The following KIF26B variants were observed in gnomAD, a reference collection of about 807,000 sequenced individuals.
KIF26B encodes kinesin family member 26B.
A neutral mutation model predicts 151.2 loss-of-function variants in KIF26B; 63 were observed. The ratio of observed to expected loss-of-function variants is 0.42; its 90% CI spans 0.34 to 0.51. The LOEUF (loss-of-function observed/expected upper bound fraction) is 0.51. Among genes scored for constraint, KIF26B ranks in the 20% least tolerant of loss-of-function variants. The probability of loss-of-function intolerance (pLI) is 0.07; values close to 1 mark genes in which losing one functional copy is unlikely to be tolerated. For missense variants in KIF26B, 2,813 were observed against 2,913.6 expected, an observed-to-expected ratio of 0.97 and a Z score of 0.79; for synonymous variants, 1,357 against 1,262.1, an observed-to-expected ratio of 1.08 and a Z score of -1.59.
chr1:245,640,566 C>T (rs921525477), intron 9 of KIF26B, among the ~76,000 whole-genome samples: 27 of 151,956 alleles, frequency 1.8e-4, no homozygotes, highest in African/African-American at 6.3e-4. Context: ...TACTTATTTT[C>T]TAGTTGTTAT....
intron 2 of KIF26B, among the ~76,000 whole-genome samples, chr1:245,345,761 C>T (rs1672441240): frequency 6.6e-6 from 1 of 151,994 alleles, no homozygotes; most frequent in Admixed American, 6.6e-5. Context: ...CCTGCTTTCA[C>T]GGTGTAAACT....
intron 5 of KIF26B, among the ~76,000 whole-genome samples, chr1:245,598,720 G>A (rs2043359833): frequency 1.3e-5 from 2 of 152,146 alleles, no homozygotes; most frequent in South Asian, 4.2e-4. Context: ...ATGCCGTCCA[G>A]AACAAGGTGC....
At position 245,702,359 on chromosome 1, in the gene KIF26B, A is replaced by AG; in HGVS notation, c.6179-95dup. 7.4e-7 allele frequency: 1 copy of AG among 1,345,420 alleles called. No homozygotes were observed. 83.3% of individuals were successfully genotyped at this position (1,345,420 alleles called of 1,614,324 possible). On this transcript the variant is annotated intron_variant, in intron 14 of 14. Transcript: ENST00000407071. The surrounding 1 kb of genome is among the most constrained non-coding windows in gnomAD (Gnocchi z 4.1). Reference sequence around the variant, plus strand: ...GCAAGCGAACTAGACCTTTAGACCAAGGGGTAGATGTGGGGGTGGCAGCTC... The same window carrying AG: ...GCAAGCGAACTAGACCTTTAGACCAAGGGGGTAGATGTGGGGGTGGCAGCTC...
chr1:245,667,336 C>T lies in KIF26B; in HGVS notation c.2259-16897C>T, dbSNP rs989551088. 3.9e-5 allele frequency among the ~76,000 whole-genome samples: 6 copies of T among 151,984 alleles called. No individual in the cohort carries two copies. The highest frequency in any genetic ancestry group is 9.7e-5 in the African/African-American group (4 of 41,372). ...GACAACAGGCGTGTGCCACCATGCCCGGCTACTTTTTTAAATATTTTTAAT... is the reference window on the plus strand; with the variant it reads ...GACAACAGGCGTGTGCCACCATGCCTGGCTACTTTTTTAAATATTTTTAAT... On this transcript the variant is annotated intron_variant, in intron 10 of 14. Transcript: ENST00000407071. This position sits in a 1 kb window ranked among gnomAD's most constrained non-coding sequence, Gnocchi z 4.3.
chr1:245,396,537 G>A (rs12569070), intron 3 of KIF26B, among the ~76,000 whole-genome samples: 19,230 of 151,870 alleles, frequency 0.13, 1,726 homozygotes, highest in African/African-American at 0.24. Flanking sequence ...TCAGGAGGCT[G>A]AGGCAGGAGA....
intron 2 of KIF26B, among the ~76,000 whole-genome samples, chr1:245,217,260 T>C (rs1284964643): frequency 6.6e-6 from 1 of 152,168 alleles, no homozygotes; most frequent in Non-Finnish European, 1.5e-5. Context: ...GGAAACGCCG[T>C]ATTGAGGAGA....
intron 2 of KIF26B, among the ~76,000 whole-genome samples, chr1:245,161,626 A>C (rs1242080669): frequency 6.6e-6 from 1 of 152,220 alleles, no homozygotes; most frequent in Non-Finnish European, 1.5e-5. Context: ...ACCACGAACT[A>C]CACTGAAACA....
At chr1:245,171,227 C>T (rs895486262) in intron 2 of KIF26B, among the ~76,000 whole-genome samples, 5 of 152,204 alleles carry the variant, frequency 3.3e-5, no homozygotes, top group Admixed American at 6.5e-5. Context: ...TTCAGCACAT[C>T]GTTTAAGAGC....
intron 2 of KIF26B, among the ~76,000 whole-genome samples, chr1:245,267,640 A>G (rs1670771315): frequency 3.6e-5 from 1 of 27,780 alleles, no homozygotes; most frequent in South Asian, 9.2e-4. Context: ...TAATGCACAC[A>G]CACACACACA....
At chr1:245,551,518 G>A (rs1173603327) in intron 5 of KIF26B, among the ~76,000 whole-genome samples, 1 of 152,144 alleles carries the variant, frequency 6.6e-6, no homozygotes, top group Non-Finnish European at 1.5e-5. Context: ...TTGTAGCTTG[G>A]CCTTTCCCCT....
intron 3 of KIF26B, among the ~76,000 whole-genome samples, chr1:245,385,635 G>T (rs1465070084): frequency 6.6e-6 from 1 of 152,176 alleles, no homozygotes; most frequent in Non-Finnish European, 1.5e-5. Flanking sequence ...TCGGGAGCTG[G>T]GGAAGAGGCA....
At position 245,342,177 on chromosome 1, in the gene KIF26B, C is replaced by T. The variant is rs1027912314; in HGVS notation, c.466-24657C>T. ...ATGGTGATATTAAATACAGATTGTG[C>T]GCACATTAGTAGTAGAATGTACCCC... On this transcript the variant is annotated intron_variant, in intron 2 of 14. Coordinates refer to ENST00000407071, the MANE Select transcript of KIF26B (RefSeq NM_018012.4). 3.3e-5 allele frequency among the ~76,000 whole-genome samples: 5 copies of T among 152,120 alleles called. No individual in the cohort carries two copies. In the East Asian group the frequency reaches 5.8e-4, roughly 18 times the overall value.
At position 245,375,568 on chromosome 1, in the gene KIF26B, G is replaced by A. The variant is rs1673254802; in HGVS notation, c.999+8201G>A. 6.6e-6 allele frequency among the ~76,000 whole-genome samples: 1 copy of A among 152,170 alleles called. No homozygotes were observed. Among genetic ancestry groups the A allele is most frequent in the South Asian group, 2.1e-4 (1 of 4,830 alleles). On this transcript the variant is annotated intron_variant, in intron 3 of 14. Transcript: ENST00000407071. The surrounding 1 kb of genome is among the most constrained non-coding windows in gnomAD (Gnocchi z 4.2). ...TCTAGAAGCTGAGGACGGCAAGGGT[G>A]TGATTCTCCCCTAGAGCCTCCAGAA... is the stretch of plus-strand genomic sequence containing the variant.
chr1:245,180,410 C>G (rs1477694204), intron 2 of KIF26B, among the ~76,000 whole-genome samples: 1 of 152,178 alleles, frequency 6.6e-6, no homozygotes, highest in Non-Finnish European at 1.5e-5. Flanking sequence ...GCAACTTACT[C>G]AACTGTGTCC....
At position 245,601,845 on chromosome 1, in the gene KIF26B, G is replaced by A. The variant is rs1042815676; in HGVS notation, c.1351-732G>A. The stretch of plus-strand genomic sequence containing the variant: ...GACTGTGCATTTCCATAAGCACCTC[G>A]CTCGCCTGCAGGACGGGGCTGGGTT... On this transcript the variant is annotated intron_variant, in intron 5 of 14. Transcript: ENST00000407071. The surrounding 1 kb of genome is among the most constrained non-coding windows in gnomAD (Gnocchi z 4.4). Among the ~76,000 whole-genome samples, 6 of 152,140 alleles carry A rather than the reference G, an allele frequency of 3.9e-5. No homozygotes were observed. Among genetic ancestry groups the A allele is most frequent in the Middle Eastern group, 3.2e-3 (1 of 316 alleles).
Position 245,352,601 on chromosome 1 carries a change from G to A in KIF26B, c.466-14233G>A, listed in dbSNP as rs1672592604. On this transcript the variant is annotated intron_variant, in intron 2 of 14. Transcript: ENST00000407071. This position sits in a 1 kb window ranked among gnomAD's most constrained non-coding sequence, Gnocchi z 5.0. ...GTTTAAAGTCACCTGGGAAATACTT[G>A]GAGTACAGTTTTGTCATTTTAATCC... is the stretch of plus-strand genomic sequence containing the variant. 6.6e-6 allele frequency among the ~76,000 whole-genome samples: 1 copy of A among 152,160 alleles called. No homozygotes were observed. The highest frequency in any genetic ancestry group is 6.5e-5 in the Admixed American group (1 of 15,272).
At chr1:245,390,851 T>C (rs1673667441) in intron 3 of KIF26B, among the ~76,000 whole-genome samples, 1 of 135,532 alleles carries the variant, frequency 7.4e-6, no homozygotes, top group Non-Finnish European at 1.5e-5. Flanking sequence ...TTTGGGAGGC[T>C]GAGGCAGGAG....
chr1:245,688,832 G>A (rs760887435), intron 12 of KIF26B, 25 bp downstream of exon 12: 17 of 1,539,970 alleles, frequency 1.1e-5, no homozygotes, highest in Admixed American at 9.3e-5. Context: ...GCAGGGACGC[G>A]GGTGAGGAGG....
intron 10 of KIF26B, among the ~76,000 whole-genome samples, chr1:245,662,435 GATATATATAT>G (rs61475459): frequency 7.1e-6 from 1 of 140,110 alleles, no homozygotes; most frequent in South Asian, 2.3e-4. Flanking sequence ...ACACATACCC[GATATATATAT>G]ATATATATAT....
Sources: gnomAD v4.1 joint callset for allele counts (sites outside exome capture counted in the v4.1 genomes callset) on GRCh38, gnomAD v4.1.1 for gene constraint, Gnocchi (gnomAD v3.1) non-coding constraint, MANE v1.5 for transcripts, NCBI Gene and HGNC (gene_info 2026-07-23, HGNC 2026-07-21) for gene names.